KDM1A: variants seen among roughly 807,000 people sequenced by gnomAD.
KDM1A encodes lysine-specific histone demethylase 1A.
KDM1A carries 49 observed loss-of-function variants against 109.4 expected under a neutral mutation model. The observed-to-expected ratio is 0.45, with a 90% CI of 0.36 to 0.57. The LOEUF (loss-of-function observed/expected upper bound fraction) is 0.57. KDM1A is among the 20% of genes least tolerant of loss of function. The pLI is 0.00. For missense variants in KDM1A, 668 were observed against 1,116.6 expected, an observed-to-expected ratio of 0.60 and a Z score of 5.73; for synonymous variants, 380 against 415.4, an observed-to-expected ratio of 0.91 and a Z score of 1.04.
chr1:23,061,511 C>T (rs2124485904), intron 9 of KDM1A, among the ~76,000 whole-genome samples: 1 of 152,312 alleles, frequency 6.6e-6, no homozygotes, highest in African/African-American at 2.4e-5. Context: ...GATTTTAAAC[C>T]ATTCTCAAAT....
intron 1 of KDM1A, among the ~76,000 whole-genome samples, chr1:23,026,876 AGTT>A (rs2124353993): frequency 6.6e-6 from 1 of 152,268 alleles, no homozygotes; most frequent in South Asian, 2.1e-4. Flanking sequence ...GGTTGTAAGT[AGTT>A]GTAGAATCTC....
intron 18 of KDM1A, among the ~76,000 whole-genome samples, chr1:23,080,509 TC>T (rs1158583614): frequency 2.6e-5 from 4 of 152,220 alleles, no homozygotes; most frequent in Admixed American, 2.6e-4. Flanking sequence ...TTAGTGACTT[TC>T]TACTGCTGAA....
intron 4 of KDM1A, among the ~76,000 whole-genome samples, chr1:23,051,120 AT>A (rs1462388909): frequency 2.6e-5 from 4 of 152,160 alleles, no homozygotes; most frequent in Non-Finnish European, 5.9e-5. Context: ...GCATTAAAAA[AT>A]AATAATAATA....
chr1:23,083,099 AT>A, intron 20 of KDM1A, 79 bp from the exon 21 acceptor site: 1 of 1,355,316 alleles, frequency 7.4e-7, no homozygotes, highest in South Asian at 1.3e-5. Context: ...GTCAACAGCA[AT>A]TTAAGTACTT....
chr1:23,028,825 A>G (rs1177942585), intron 1 of KDM1A, among the ~76,000 whole-genome samples: 1 of 152,062 alleles, frequency 6.6e-6, no homozygotes, highest in Admixed American at 6.6e-5. Flanking sequence ...TATTGCAAAG[A>G]CCCTGTATGA....
chr1:23,062,649 C>T (rs1643031728), intron 9 of KDM1A, among the ~76,000 whole-genome samples: 1 of 152,058 alleles, frequency 6.6e-6, no homozygotes, highest in South Asian at 2.1e-4. Flanking sequence ...CACAAGAATC[C>T]CTCAAAAAGT....
intron 9 of KDM1A, 134 bp downstream of exon 9, chr1:23,059,301 T>A (rs1474015502): frequency 1.3e-6 from 1 of 750,948 alleles, no homozygotes; most frequent in South Asian, 1.4e-5. Context: ...AGGGTAGAGA[T>A]GATGTGATGT....
chr1:23,080,698 G>T lies in KDM1A; in HGVS notation c.2171-748G>T, dbSNP rs80072016. On this transcript the variant is annotated intron_variant, in intron 18 of 20. Coordinates refer to ENST00000400181, the MANE Select transcript of KDM1A (RefSeq NM_001009999.3). ...CGTGTACTGTGGTCTAGGCCTGGGGGTGCTGCTTCTCCCACCCCCTCGACC... is the reference window on the plus strand; with the variant it reads ...CGTGTACTGTGGTCTAGGCCTGGGGTTGCTGCTTCTCCCACCCCCTCGACC... 2.0e-5 allele frequency among the ~76,000 whole-genome samples: 3 copies of T among 152,124 alleles called. No homozygotes were observed. The East Asian group carries it at 5.8e-4, about 29-fold the overall frequency.
intron 1 of KDM1A, among the ~76,000 whole-genome samples, chr1:23,026,472 C>T (rs891924069): frequency 6.6e-6 from 1 of 151,534 alleles, no homozygotes; most frequent in African/African-American, 2.4e-5. Flanking sequence ...TCACTGCAGC[C>T]TTGACCTCCC....
In KDM1A at chr1:23,063,217, G is replaced by GGTGGGTGTGT. The variant is rs796933613; in HGVS notation, c.1168-2829_1168-2820dup. Among the ~76,000 whole-genome samples the GGTGGGTGTGT allele has an allele frequency of 8.2e-5, 4 of 48,722 alleles. 1 individual carries two copies. Among genetic ancestry groups the GGTGGGTGTGT allele is most frequent in the Non-Finnish European group, 2.0e-4 (4 of 19,664 alleles). 32.0% of individuals were successfully genotyped at this position (48,722 alleles called of 152,430 possible). ...GCATTGGGGGGGGGGTGTGGTGTGG[G>GGTGGGTGTGT]GTGGGTGTGTGTGGGTGTGTGTGTG... is the stretch of plus-strand genomic sequence containing the variant. On this transcript the variant is annotated intron_variant, in intron 9 of 20. Transcript: ENST00000400181.
In KDM1A at chr1:23,080,552, T is replaced by C. The variant is rs191255038; in HGVS notation, c.2170+885T>C. ...TGTTCAAACTCCTTATCTTGGCCCA[T>C]GCTAAGGTTCTTCATTATCTAGCTC... On this transcript the variant is annotated intron_variant, in intron 18 of 20. Transcript: ENST00000400181. Among the ~76,000 whole-genome samples the C allele has an allele frequency of 3.3e-5, 5 of 152,322 alleles. No homozygotes were observed. The East Asian group carries it at 5.8e-4, about 18-fold the overall frequency.
At chr1:23,059,785 A>C (rs527825611) in intron 9 of KDM1A, among the ~76,000 whole-genome samples, 1 of 152,318 alleles carries the variant, frequency 6.6e-6, no homozygotes, top group African/African-American at 2.4e-5. Context: ...AAGTGAGTGA[A>C]ATTCAAAAGT....
intron 4 of KDM1A, among the ~76,000 whole-genome samples, chr1:23,052,801 T>C (rs1458453289): frequency 6.6e-6 from 1 of 152,190 alleles, no homozygotes; most frequent in Non-Finnish European, 1.5e-5. Flanking sequence ...TCCTTAACAA[T>C]TGGCCATTAT....
intron 9 of KDM1A, among the ~76,000 whole-genome samples, chr1:23,062,074 T>G (rs1643016626): frequency 6.6e-6 from 1 of 152,218 alleles, no homozygotes; most frequent in African/African-American, 2.4e-5. Context: ...GTCAGTAGCT[T>G]TATTCTCTTA....
intron 6 of KDM1A, 61 bp downstream of exon 6, chr1:23,055,222 ATTTTAT>A (rs577137998): frequency 5.1e-4 from 457 of 889,018 alleles, no homozygotes; most frequent in Non-Finnish European, 7.5e-4. Flanking sequence ...TCAGGACTGT[ATTTTAT>A]ATCTATGATG....
At position 23,069,090 on chromosome 1, in the gene KDM1A, A is replaced by G. The variant is rs1407528517; in HGVS notation, c.1352A>G (p.Gln451Arg). Residue 451 changes from glutamine to arginine, a missense_variant, in exon 12 of 21, where the codon CAG becomes CGG. Transcript: ENST00000400181. The part of the protein sequence containing the change: ...QLQEKHVKDE[Q>R]IEHWKKIVKT... ...CAAGAGAAGCATGTCAAAGATGAGC[A>G]GATTGAACATTGGAAGAAGATAGTG... 6.2e-7 allele frequency: 1 copy of G among 1,611,282 alleles called. No homozygotes were observed. Among genetic ancestry groups the G allele is most frequent in the South Asian group, 1.1e-5 (1 of 90,448 alleles).
intron 2 of KDM1A, among the ~76,000 whole-genome samples, chr1:23,036,685 G>A (rs1045803151): frequency 6.6e-6 from 1 of 152,040 alleles, no homozygotes; most frequent in African/African-American, 2.4e-5. Flanking sequence ...CCTAGTATGA[G>A]ACACAAGTGT....
intron 1 of KDM1A, among the ~76,000 whole-genome samples, chr1:23,029,983 T>G (rs1013364663): frequency 6.6e-6 from 1 of 152,232 alleles, no homozygotes; most frequent in African/African-American, 2.4e-5. Context: ...TTTCATAGTT[T>G]CAGTTTGACT....
intron 2 of KDM1A, among the ~76,000 whole-genome samples, chr1:23,038,426 T>G (rs4654834): frequency 1.3e-5 from 2 of 151,900 alleles, no homozygotes; most frequent in African/African-American, 4.8e-5. Flanking sequence ...TGTTGAGTTA[T>G]AAGAAATGTT....
Sources: gnomAD v4.1 joint callset for allele counts (sites outside exome capture counted in the v4.1 genomes callset) on GRCh38, gnomAD v4.1.1 for gene constraint, MANE v1.5 for transcripts, NCBI Gene and HGNC (gene_info 2026-07-23, HGNC 2026-07-21) for gene names.